Variants in FGF1 observed in about 807,000 individuals in gnomAD.
FGF1 encodes fibroblast growth factor 1, also known as beta-endothelial cell growth factor.
A neutral mutation model predicts 13.4 loss-of-function variants in FGF1; 9 were observed. That is an observed-to-expected ratio of 0.67 (90% CI 0.40 to 1.17). The LOEUF (loss-of-function observed/expected upper bound fraction) is 1.17. Among genes scored for constraint, FGF1 ranks in the 50% most tolerant of loss-of-function variants. The pLI is 0.01. For missense variants in FGF1, 156 were observed against 192.7 expected (o/e 0.81, Z 1.13); for synonymous variants, 93 against 79.0 (o/e 1.18, Z -0.94).
At chr5:142,631,159 C>G (rs891337497) in intron 1 of FGF1, among the ~76,000 whole-genome samples, 1 of 152,220 alleles carries the variant, frequency 6.6e-6, no homozygotes, top group Non-Finnish European at 1.5e-5. Flanking sequence ...TCCCATTCTG[C>G]TCTTTGTTGT....
chr5:142,692,041 A>G (rs1752308052), intron 2 of FGF1, among the ~76,000 whole-genome samples: 1 of 152,158 alleles, frequency 6.6e-6, no homozygotes. Context: ...TTAAAAACCT[A>G]AAGTTTAGGC....
chr5:142,624,142 A>T (rs1193548276), intron 1 of FGF1, among the ~76,000 whole-genome samples: 2 of 151,994 alleles, frequency 1.3e-5, no homozygotes, highest in African/African-American at 4.8e-5. Flanking sequence ...CTGGTCTCGA[A>T]CTCTGGACCT....
chr5:142,634,028 C>CA (rs199629335), intron 1 of FGF1, among the ~76,000 whole-genome samples: 61,648 of 144,076 alleles, frequency 0.43, 13,995 homozygotes, highest in Non-Finnish European at 0.52. Context: ...ACTAAAAATA[C>CA]CAAAAAAAAA....
At chr5:142,627,631 G>A (rs999870964) in intron 1 of FGF1, among the ~76,000 whole-genome samples, 5 of 152,194 alleles carry the variant, frequency 3.3e-5, no homozygotes, top group African/African-American at 1.2e-4. Context: ...GGAGGCCCCA[G>A]CATGCCCCAA....
At chr5:142,607,742 C>T (rs1410247641) in intron 2 of FGF1, among the ~76,000 whole-genome samples, 6 of 152,124 alleles carry the variant, frequency 3.9e-5, no homozygotes, top group Non-Finnish European at 2.9e-5. Flanking sequence ...AACTACATGT[C>T]AATGAAACTG....
chr5:142,692,687 A>G (rs554742643), intron 2 of FGF1, among the ~76,000 whole-genome samples: 8 of 141,228 alleles, frequency 5.7e-5, no homozygotes, highest in South Asian at 4.2e-4. Context: ...GCACACACGC[A>G]CACACACACA....
intron 1 of FGF1, among the ~76,000 whole-genome samples, chr5:142,657,185 G>A (rs550325239): frequency 8.1e-4 from 124 of 152,230 alleles, no homozygotes; most frequent in African/African-American, 2.9e-3. Context: ...CCAAAGTGTT[G>A]GGATTACAGG....
chr5:142,612,875 G>A (rs1759376375), intron 2 of FGF1, among the ~76,000 whole-genome samples: 1 of 152,170 alleles, frequency 6.6e-6, no homozygotes, highest in African/African-American at 2.4e-5. Flanking sequence ...CACCAGCGAA[G>A]TGGTCATTTG....
intron 1 of FGF1, among the ~76,000 whole-genome samples, chr5:142,618,920 AGTTG>A (rs1760799963): frequency 1.0e-5 from 1 of 97,072 alleles, no homozygotes. Context: ...TTTATTTTTT[AGTTG>A]TTTTGTTTTT....
intron 1 of FGF1, among the ~76,000 whole-genome samples, chr5:142,637,121 A>G (rs1282825771): frequency 6.6e-6 from 1 of 151,918 alleles, no homozygotes; most frequent in Admixed American, 6.6e-5. Flanking sequence ...CACCTTGAGT[A>G]TGTCAGCCCA....
intron 2 of FGF1, among the ~76,000 whole-genome samples, chr5:142,613,236 G>A (rs1184964934): frequency 6.6e-6 from 1 of 152,214 alleles, no homozygotes; most frequent in Admixed American, 6.5e-5. Context: ...AAAGCAGAAG[G>A]AAGAGATTTT....
At chr5:142,614,253 G>A (rs1759727797) in intron 1 of FGF1, 92 bp from the exon 2 acceptor site, 1 of 1,003,954 alleles carries the variant, frequency 1.0e-6, no homozygotes, top group African/African-American at 1.6e-5. Context: ...AGGGCACAGG[G>A]TTCCCGGGTA....
At chr5:142,691,576 T>C (rs895074656) in intron 2 of FGF1, among the ~76,000 whole-genome samples, 1 of 152,240 alleles carries the variant, frequency 6.6e-6, no homozygotes, top group African/African-American at 2.4e-5. Flanking sequence ...CTCACTGTTA[T>C]ATACTCAGTA....
intron 1 of FGF1, among the ~76,000 whole-genome samples, chr5:142,637,659 A>T (rs1211833954): frequency 6.6e-6 from 1 of 152,038 alleles, no homozygotes; most frequent in East Asian, 1.9e-4. Context: ...GCTGGGAGCC[A>T]GAGCTCCCTC....
chr5:142,664,737 G>A (rs1228210299), intron 1 of FGF1, among the ~76,000 whole-genome samples: 2 of 152,186 alleles, frequency 1.3e-5, no homozygotes, highest in African/African-American at 4.8e-5. Flanking sequence ...TTCTAAGCTG[G>A]TTGAGTCTTT....
chr5:142,659,056 G>A (rs1768682831), intron 1 of FGF1, among the ~76,000 whole-genome samples: 1 of 152,128 alleles, frequency 6.6e-6, no homozygotes, highest in African/African-American at 2.4e-5. Context: ...GTGTTGGCGT[G>A]TGTTGGGGGA....
intron 2 of FGF1, among the ~76,000 whole-genome samples, chr5:142,604,328 A>G (rs6894608): frequency 0.12 from 18,524 of 152,164 alleles, 1,658 homozygotes; most frequent in African/African-American, 0.24. Flanking sequence ...GAGAACCTTC[A>G]CATATACTTT....
intron 1 of FGF1, among the ~76,000 whole-genome samples, chr5:142,660,942 C>T (rs1441723802): frequency 6.6e-6 from 1 of 152,168 alleles, no homozygotes; most frequent in African/African-American, 2.4e-5. Flanking sequence ...AACAGGACTC[C>T]TGGCCCAGGC....
At chr5:142,685,861 GACACACACACAAAACACACAC>G (rs2152061193) in intron 1 of FGF1, 75 bp downstream of exon 1, 1 of 140,252 alleles carries the variant, frequency 7.1e-6, no homozygotes, top group South Asian at 2.2e-4. Context: ...TTTGCACTTG[GACACACACACAAAACACACAC>G]ACACACACAC....
Sources: gnomAD v4.1 joint callset for allele counts (sites outside exome capture counted in the v4.1 genomes callset) on GRCh38, gnomAD v4.1.1 for gene constraint, MANE v1.5 for transcripts, NCBI Gene and HGNC (gene_info 2026-07-23, HGNC 2026-07-21) for gene names.